SPTB: variants seen among roughly 807,000 people sequenced by gnomAD.
SPTB encodes spectrin beta, erythrocytic.
A neutral mutation model predicts 256.2 loss-of-function variants in SPTB; 45 were observed. The observed-to-expected ratio is 0.18, with a 90% confidence interval of 0.14 to 0.23. The LOEUF (loss-of-function observed/expected upper bound fraction) is 0.23, where lower values mean the gene tolerates loss of function less well. Ranked by LOEUF, SPTB falls within the 10% of genes least tolerant of loss-of-function variation. The pLI is 1.00. For synonymous variants in SPTB, 1,231 were observed against 1,243.1 expected, an observed-to-expected ratio of 0.99 and a Z score of 0.21; for missense variants, 2,715 against 3,040.4, an observed-to-expected ratio of 0.89 and a Z score of 2.52.
intron 1 of SPTB, among the ~76,000 whole-genome samples, chr14:64,831,418 A>C (rs946618045): frequency 5.9e-5 from 9 of 152,264 alleles, no homozygotes; most frequent in African/African-American, 1.9e-4. Context: ...GGTAATTCAT[A>C]GTAGTGAAAA....
intron 26 of SPTB, among the ~76,000 whole-genome samples, chr14:64,771,849 T>C (rs1188114112): frequency 6.6e-6 from 1 of 152,186 alleles, no homozygotes; most frequent in Non-Finnish European, 1.5e-5. Flanking sequence ...CCTGGTGTTC[T>C]GTCCCCAAGC....
rs148299091 is a variant in SPTB at position 64,825,334 on chromosome 14, A to C, written c.-51-2189T>G. The stretch of plus-strand genomic sequence containing the variant: ...CCCCATGATGCCAGACCTGTGCCCA[A>C]GACCACCCTTGTGCCTTTGAACAGC... On this transcript the variant is annotated intron_variant, in intron 1 of 35. Coordinates refer to ENST00000644917, the MANE Select transcript of SPTB (RefSeq NM_001355436.2). The surrounding 1 kb of genome is among the most constrained non-coding windows in gnomAD (Gnocchi z 4.8). Among the ~76,000 whole-genome samples, 1 of 152,332 alleles carries C rather than the reference A, an allele frequency of 6.6e-6. No homozygotes were observed. Among genetic ancestry groups the C allele is most frequent in the Non-Finnish European group, 1.5e-5 (1 of 68,018 alleles).
chr14:64,775,027 C>T lies in SPTB; in HGVS notation c.4842+98G>A. On this transcript the variant is annotated intron_variant, in intron 23 of 35. Transcript: ENST00000644917. The surrounding 1 kb of genome is among the most constrained non-coding windows in gnomAD (Gnocchi z 5.0). Reference sequence around the variant, plus strand: ...TTGTGCCCCTCCCCTGGCCTCACTCCTCACACAGTTGGACTCACAAGGCTC... The same window carrying T: ...TTGTGCCCCTCCCCTGGCCTCACTCTTCACACAGTTGGACTCACAAGGCTC... The T allele has an allele frequency of 2.5e-6, 4 of 1,569,730 alleles. No homozygotes were observed. The highest frequency in any genetic ancestry group is 2.6e-6 in the Non-Finnish European group (3 of 1,144,658).
At chr14:64,821,812 C>T (rs573099898) in intron 2 of SPTB, among the ~76,000 whole-genome samples, 5 of 152,110 alleles carry the variant, frequency 3.3e-5, no homozygotes, top group Non-Finnish European at 7.4e-5. Context: ...TGAGACACCG[C>T]AGCATTCCTT....
chr14:64,869,334 A>G (rs1250982972), intron 1 of SPTB, among the ~76,000 whole-genome samples: 1 of 152,256 alleles, frequency 6.6e-6, no homozygotes, highest in East Asian at 1.9e-4. Flanking sequence ...AAATTATATG[A>G]ACTTAGTTAC....
intron 12 of SPTB, among the ~76,000 whole-genome samples, 153 bp from the exon 13 acceptor site, chr14:64,794,770 C>T (rs187574859): frequency 6.6e-6 from 1 of 152,370 alleles, no homozygotes; most frequent in East Asian, 1.9e-4. Context: ...ATGGAAGAAG[C>T]TCCAGAGGGA....
chr14:64,796,602 T>C lies in SPTB; in HGVS notation c.1296A>G (p.Ala432=), dbSNP rs756586406. The change falls in exon 11 of 36, where the codon GCA becomes GCG. Residue 432 remains alanine (A), a synonymous_variant. Transcript: ENST00000644917. This position sits in a 1 kb window ranked among gnomAD's most constrained non-coding sequence, Gnocchi z 4.1. ...QLARRFDRKA[A]MRETWLSENQ... is the part of the protein sequence containing the mutation. ...TTTCACTGAGCCAGGTCTCTCTCATTGCGGCCTTCCGGTCAAAGCGCCGGG... is the reference window on the plus strand; with the variant it reads ...TTTCACTGAGCCAGGTCTCTCTCATCGCGGCCTTCCGGTCAAAGCGCCGGG... 3 of 1,614,236 alleles carry C rather than the reference T, an allele frequency of 1.9e-6. No homozygotes were observed. Among genetic ancestry groups the C allele is most frequent in the Non-Finnish European group, 2.5e-6 (3 of 1,180,040 alleles).
chr14:64,750,301 T>A, intron 33 of SPTB, 147 bp from the exon 34 acceptor site: 1 of 833,286 alleles, frequency 1.2e-6, no homozygotes, highest in Non-Finnish European at 1.8e-6. Flanking sequence ...CATCTGCATG[T>A]AATTTCATTA....
In SPTB at chr14:64,823,778, C is replaced by T. The variant is rs952448511; in HGVS notation, c.-51-633G>A. Among the ~76,000 whole-genome samples, 6 of 152,178 alleles carry T rather than the reference C, an allele frequency of 3.9e-5. No individual in the cohort carries two copies. The highest frequency in any genetic ancestry group is 6.5e-5 in the Admixed American group (1 of 15,286). On this transcript the variant is annotated intron_variant, in intron 1 of 35. Coordinates refer to ENST00000644917, the MANE Select transcript of SPTB (RefSeq NM_001355436.2). The surrounding 1 kb of genome is among the most constrained non-coding windows in gnomAD (Gnocchi z 6.5). ...CAGTTGGTATTCAGAAAGCTGACCT[C>T]GCATTTTAGGGCTTCTTTGGAGCAT...
chr14:64,750,450 C>T (rs940984897), intron 33 of SPTB, among the ~76,000 whole-genome samples: 1 of 151,996 alleles, frequency 6.6e-6, no homozygotes, highest in Admixed American at 6.6e-5. Context: ...AAGCATAACA[C>T]TAAATCATGA....
chr14:64,766,085 T>C (rs2082174370), intron 32 of SPTB, among the ~76,000 whole-genome samples: 1 of 144,458 alleles, frequency 6.9e-6, no homozygotes, highest in Non-Finnish European at 1.5e-5. Context: ...TCTGTATGAG[T>C]ATGCGTGTGT....
chr14:64,875,501 C>T (rs113534070), intron 1 of SPTB, among the ~76,000 whole-genome samples: 3,213 of 152,320 alleles, frequency 0.021, 54 homozygotes, highest in South Asian at 0.064. Flanking sequence ...CTACGCTCTT[C>T]CTCAATCACT....
In SPTB at chr14:64,844,192, A is replaced by AG. The variant is rs2083651467; in HGVS notation, c.-51-21048dup. Among the ~76,000 whole-genome samples the AG allele has an allele frequency of 6.6e-6, 1 of 152,090 alleles. No homozygotes were observed. Among genetic ancestry groups the AG allele is most frequent in the Non-Finnish European group, 1.5e-5 (1 of 68,018 alleles). Reference sequence around the variant, plus strand: ...CAAGAGTGCTTAGCAGGAGTCATGGAGAAAAAAAAAATGAGAGCTAGAAAG... The same window carrying AG: ...CAAGAGTGCTTAGCAGGAGTCATGGAGGAAAAAAAAAATGAGAGCTAGAAAG... On this transcript the variant is annotated intron_variant, in intron 1 of 35. Transcript: ENST00000644917. The surrounding 1 kb of genome is among the most constrained non-coding windows in gnomAD (Gnocchi z 4.1).
In SPTB at chr14:64,845,894, C is replaced by T. The variant is rs1262320506; in HGVS notation, c.-51-22749G>A. Among the ~76,000 whole-genome samples, 4 of 146,658 alleles carry T rather than the reference C, an allele frequency of 2.7e-5. No homozygotes were observed. Among genetic ancestry groups the T allele is most frequent in the African/African-American group, 1.1e-4 (4 of 37,354 alleles). On this transcript the variant is annotated intron_variant, in intron 1 of 35. Coordinates refer to ENST00000644917, the MANE Select transcript of SPTB (RefSeq NM_001355436.2). This position sits in a 1 kb window ranked among gnomAD's most constrained non-coding sequence, Gnocchi z 4.8. ...GTCAGGCATTTTGGGCCAATATTGA[C>T]TTTCCAAAAAAAACCCGCTCTACAT...
chr14:64,769,361 C>G (rs7141792), intron 28 of SPTB, among the ~76,000 whole-genome samples: 1 of 152,082 alleles, frequency 6.6e-6, no homozygotes, highest in African/African-American at 2.4e-5. Flanking sequence ...GGTGTTAGGC[C>G]GGTTATGAGG....
At chr14:64,803,983 G>A (rs962936068) in intron 3 of SPTB, among the ~76,000 whole-genome samples, 2 of 152,166 alleles carry the variant, frequency 1.3e-5, no homozygotes, top group South Asian at 2.1e-4. Flanking sequence ...CCCAGAGATC[G>A]GTAACCAGGC....
At chr14:64,787,190 A>T in intron 15 of SPTB, 30 bp from the exon 16 acceptor site, 1 of 1,600,462 alleles carries the variant, frequency 6.2e-7, no homozygotes, top group Non-Finnish European at 8.5e-7. Context: ...CCCGGAGGAG[A>T]GAGACACCTT....
chr14:64,774,548 A>G (rs2082329018), intron 23 of SPTB, 21 bp from the exon 24 acceptor site: 1 of 1,551,984 alleles, frequency 6.4e-7, no homozygotes, highest in African/African-American at 1.4e-5. Flanking sequence ...GCAGACGGTC[A>G]GCGCCAGAGC....
Position 64,807,733 on chromosome 14 carries a change from C to A in SPTB, c.149-2643G>T, listed in dbSNP as rs752905749. Among the ~76,000 whole-genome samples the A allele has an allele frequency of 6.6e-6, 1 of 152,262 alleles. No homozygotes were observed. Among genetic ancestry groups the A allele is most frequent in the African/African-American group, 2.4e-5 (1 of 41,478 alleles). On this transcript the variant is annotated intron_variant, in intron 2 of 35. Transcript: ENST00000644917. The surrounding 1 kb of genome is among the most constrained non-coding windows in gnomAD (Gnocchi z 4.7). ...CACAGCCCAGATGCTCATCCCAAGCCTTCCAAGGGCAGGAGAGGCGGTGGC... is the reference window on the plus strand; with the variant it reads ...CACAGCCCAGATGCTCATCCCAAGCATTCCAAGGGCAGGAGAGGCGGTGGC...
Sources: allele counts gnomAD v4.1 joint callset (sites outside exome capture counted in the v4.1 genomes callset), GRCh38; gene constraint gnomAD v4.1.1; non-coding constraint Gnocchi (gnomAD v3.1); transcripts MANE v1.5; gene names NCBI Gene and HGNC (gene_info 2026-07-23, HGNC 2026-07-21).